JMJD1C: variants seen among roughly 807,000 people sequenced by gnomAD.
JMJD1C encodes the protein jumonji domain-containing protein 1C.
JMJD1C carries 31 observed loss-of-function variants against 245.3 expected under a neutral mutation model. That is an observed-to-expected ratio of 0.13 (90% CI 0.09 to 0.17). JMJD1C has a LOEUF of 0.17. Among genes scored for constraint, JMJD1C ranks in the 10% least tolerant of loss-of-function variants. The probability of loss-of-function intolerance (pLI) is 1.00; values close to 1 mark genes in which losing one functional copy is unlikely to be tolerated. For missense variants in JMJD1C, 2,691 were observed against 3,000.2 expected (o/e 0.90, Z 2.41); for synonymous variants, 1,057 against 1,017.4 (o/e 1.04, Z -0.74).
intron 2 of JMJD1C, among the ~76,000 whole-genome samples, chr10:63,345,912 A>G (rs1426195433): frequency 6.6e-6 from 1 of 152,208 alleles, no homozygotes; most frequent in Non-Finnish European, 1.5e-5. Context: ...GGAGACAGGG[A>G]AAAAGGTACA....
chr10:63,356,958 A>G (rs1430966794), intron 2 of JMJD1C, among the ~76,000 whole-genome samples: 1 of 152,164 alleles, frequency 6.6e-6, no homozygotes, highest in East Asian at 1.9e-4. Flanking sequence ...ACCTCAAAAG[A>G]ATAATGTAAA....
intron 14 of JMJD1C, 188 bp from the exon 15 acceptor site, chr10:63,193,660 T>G (rs1201963470): frequency 4.8e-6 from 2 of 415,954 alleles, no homozygotes; most frequent in South Asian, 4.1e-5. Context: ...AAATTTATGT[T>G]TTTTTTGTTT....
intron 1 of JMJD1C, among the ~76,000 whole-genome samples, chr10:63,510,903 T>C (rs182348319): frequency 5.0e-4 from 76 of 152,368 alleles, no homozygotes; most frequent in Non-Finnish European, 9.4e-4. Flanking sequence ...AGAATTGTTG[T>C]ATCTTCTTGG....
intron 1 of JMJD1C, among the ~76,000 whole-genome samples, chr10:63,501,938 G>T (rs866585745): frequency 7.2e-5 from 11 of 152,114 alleles, no homozygotes; most frequent in African/African-American, 2.2e-4. Flanking sequence ...ACAGGGTAAA[G>T]ACTTCATTTT....
At chr10:63,193,924 C>T (rs1392568454) in intron 14 of JMJD1C, among the ~76,000 whole-genome samples, 3 of 152,206 alleles carry the variant, frequency 2.0e-5, no homozygotes, top group African/African-American at 7.2e-5. Context: ...CCTTGGCCTC[C>T]CAAAATGCTG....
Position 63,214,316 on chromosome 10 carries a change from A to C in JMJD1C, c.1851T>G (p.Ser617Arg). Reference protein sequence around the residue: ...SVMEDKLHKRSPPPETIKSKL... With the variant: ...SVMEDKLHKRRPPPETIKSKL... ...TAGATTTTATAGTCTCTGGAGGTGG[A>C]CTTCGCTTATGCAGCTTATCTTCCA... Residue 617 changes from serine to arginine, a missense_variant, in exon 8 of 26, where the codon AGT becomes AGG. Physicochemically the swap from Ser to Arg is moderately radical, Grantham distance 110. Transcript: ENST00000399262. 1 of 1,614,004 alleles carries C rather than the reference A, an allele frequency of 6.2e-7. No homozygotes were observed. The highest frequency in any genetic ancestry group is 8.5e-7 in the Non-Finnish European group (1 of 1,179,902).
intron 2 of JMJD1C, among the ~76,000 whole-genome samples, chr10:63,329,557 A>T (rs1941917603): frequency 6.6e-6 from 1 of 152,084 alleles, no homozygotes; most frequent in Non-Finnish European, 1.5e-5. Context: ...AAAAAGAAAA[A>T]ATCTTGTCAG....
chr10:63,383,217 T>TAAAAAAAAAAAA (rs11354894), intron 1 of JMJD1C, among the ~76,000 whole-genome samples: 1 of 144,842 alleles, frequency 6.9e-6, no homozygotes. Flanking sequence ...GAAGCTTCTT[T>TAAAAAAAAAAAA]AAAAAAAAAA....
At chr10:63,509,469 T>C (rs1039804590) in intron 1 of JMJD1C, among the ~76,000 whole-genome samples, 3 of 152,236 alleles carry the variant, frequency 2.0e-5, no homozygotes, top group East Asian at 1.9e-4. Context: ...CTGGAAAAGA[T>C]TGTGAATAAC....
intron 11 of JMJD1C, among the ~76,000 whole-genome samples, chr10:63,199,822 T>G (rs2133074814): frequency 6.6e-6 from 1 of 152,294 alleles, no homozygotes; most frequent in East Asian, 1.9e-4. Flanking sequence ...GAGTAAAGTG[T>G]CTCAATTTCT....
At chr10:63,177,056 A>G (rs1842927145) in intron 23 of JMJD1C, 1 of 152,664 alleles carries the variant, frequency 6.6e-6, no homozygotes, top group Non-Finnish European at 1.5e-5. Flanking sequence ...TAACTCTTTT[A>G]CTTCACATTG....
intron 2 of JMJD1C, among the ~76,000 whole-genome samples, chr10:63,286,454 C>T (rs188515694): frequency 1.2e-4 from 18 of 152,316 alleles, no homozygotes; most frequent in African/African-American, 3.8e-4. Context: ...GAATATATCT[C>T]AGAGCAGAGC....
intron 2 of JMJD1C, among the ~76,000 whole-genome samples, chr10:63,266,651 A>G (rs1855608602): frequency 6.6e-6 from 1 of 152,156 alleles, no homozygotes; most frequent in Admixed American, 6.5e-5. Flanking sequence ...ACATTATCAA[A>G]TGATCTATTT....
chr10:63,198,400 C>T (rs1458748783), intron 12 of JMJD1C, 113 bp downstream of exon 12: 3 of 683,706 alleles, frequency 4.4e-6, no homozygotes, highest in Non-Finnish European at 7.5e-6. Context: ...GTATCATTAT[C>T]ATAATTAAAA....
At position 63,451,852 on chromosome 10, in the gene JMJD1C, T is replaced by A. The variant is rs548530576; in HGVS notation, c.168+13643A>T. 3.3e-5 allele frequency among the ~76,000 whole-genome samples: 5 copies of A among 152,296 alleles called. No individual in the cohort carries two copies. The East Asian group carries it at 9.6e-4, about 29-fold the overall frequency. Reference sequence around the variant, plus strand: ...TATTCAATGGAAAAAGGACAGTCTTTTCAATAAATGGAGCTGAGAAAATGA... The same window carrying A: ...TATTCAATGGAAAAAGGACAGTCTTATCAATAAATGGAGCTGAGAAAATGA... On this transcript the variant is annotated intron_variant, in intron 1 of 25. Transcript: ENST00000399262.
chr10:63,262,351 T>G (rs963620888), intron 3 of JMJD1C, among the ~76,000 whole-genome samples: 22 of 152,258 alleles, frequency 1.4e-4, no homozygotes, highest in African/African-American at 4.8e-4. Context: ...ATAAATAAAT[T>G]TAACCATCTT....
At chr10:63,483,582 A>G (rs1024312720) in intron 1 of JMJD1C, among the ~76,000 whole-genome samples, 2 of 152,344 alleles carry the variant, frequency 1.3e-5, no homozygotes, top group African/African-American at 4.8e-5. Flanking sequence ...TGTTTATAAC[A>G]AAGTAGCATT....
intron 2 of JMJD1C, among the ~76,000 whole-genome samples, chr10:63,325,850 A>G (rs1941434496): frequency 6.6e-6 from 1 of 152,196 alleles, no homozygotes; most frequent in Non-Finnish European, 1.5e-5. Flanking sequence ...TTTAGGGATC[A>G]TATACTTGTT....
At chr10:63,449,230 ATTTT>A (rs1270494514) in intron 1 of JMJD1C, among the ~76,000 whole-genome samples, 1 of 152,130 alleles carries the variant, frequency 6.6e-6, no homozygotes, top group African/African-American at 2.4e-5. Flanking sequence ...TGAATGAGAA[ATTTT>A]TTGTTACAGT....
Sources: gnomAD v4.1 joint callset for allele counts (sites outside exome capture counted in the v4.1 genomes callset) on GRCh38, gnomAD v4.1.1 for gene constraint, MANE v1.5 for transcripts, NCBI Gene and HGNC (gene_info 2026-07-23, HGNC 2026-07-21) for gene names.